Variants in CEACAM19 observed in about 807,000 individuals in gnomAD.
The protein encoded by CEACAM19 is cell adhesion molecule CEACAM19.
CEACAM19 carries 37 observed loss-of-function variants against 37.6 expected under a neutral mutation model. The observed-to-expected ratio is 0.98, with a 90% CI of 0.76 to 1.29. The LOEUF is 1.29. Among genes scored for constraint, CEACAM19 ranks in the 50% most tolerant of loss-of-function variants. The pLI, the probability that CEACAM19 is intolerant of heterozygous loss-of-function variation, is 0.00. For synonymous variants in CEACAM19, 140 were observed against 149.8 expected, an observed-to-expected ratio of 0.93 and a Z score of 0.48; for missense variants, 340 against 375.6, an observed-to-expected ratio of 0.91 and a Z score of 0.78.
In CEACAM19 at chr19:44,671,723, CTCTG is replaced by C. The variant is rs1303548252; in HGVS notation, c.-203_-200del. On this transcript the variant is annotated 5_prime_UTR_variant, in exon 1 of 8. The change creates a premature stop within an existing upstream ORF in the 5' untranslated region. Transcript: ENST00000358777. ...AGTCACCCTGAAAAACTGGTTCAAC[CTCTG>C]TCTGTGCTCCCATCCCAGGGAGTAT... The C allele has an allele frequency of 1.9e-6, 1 of 520,746 alleles. No homozygotes were observed. The highest frequency in any genetic ancestry group is 3.4e-6 in the Non-Finnish European group (1 of 290,602). 32.3% of individuals were successfully genotyped at this position (520,746 alleles called of 1,614,324 possible). A position where few individuals can be genotyped will look rare whatever the true frequency, so the allele number is the denominator to read the frequency against.
Position 44,684,223 on chromosome 19 carries a change from A to G in CEACAM19, c.*733A>G, listed in dbSNP as rs1412737729. On this transcript the variant is annotated 3_prime_UTR_variant, in exon 8 of 8. Coordinates refer to ENST00000358777, the MANE Select transcript of CEACAM19 (RefSeq NM_001127893.3). The stretch of plus-strand genomic sequence containing the variant: ...CCAAACTATGCATTCATTCAGCAAT[A>G]AATGAGCCTTTGCTGTATGCCAGAC... The G allele has an allele frequency of 6.6e-6, 1 of 152,302 alleles. No homozygotes were observed. Among genetic ancestry groups the G allele is most frequent in the East Asian group, 1.9e-4 (1 of 5,196 alleles). The allele number at this position is 152,302 out of a possible 1,614,324, so 9.4% of individuals were successfully genotyped here. A position where few individuals can be genotyped will look rare whatever the true frequency, so the allele number is the denominator to read the frequency against.
intron 6 of CEACAM19, among the ~76,000 whole-genome samples, 176 bp downstream of exon 6, chr19:44,681,488 C>T (rs1974058921): frequency 6.6e-6 from 1 of 152,182 alleles, no homozygotes; most frequent in African/African-American, 2.4e-5. Flanking sequence ...AACAGCACAA[C>T]AGAAGCAGCA....
In CEACAM19 at chr19:44,678,935, T is replaced by C. The variant is rs903734764; in HGVS notation, c.658T>C (p.Trp220Arg). 2 of 1,613,818 alleles carry C rather than the reference T, an allele frequency of 1.2e-6. No individual in the cohort carries two copies. Among genetic ancestry groups the C allele is most frequent in the African/African-American group, 2.7e-5 (2 of 74,928 alleles). ...SPVPSVTPST[W>R]MATTEKPELG... ...AGTGCCTTCAGTGACGCCCAGCACA[T>C]GGTTGGTGCTTGTAAATACTTATTT... The change falls in exon 4 of 8, where the codon TGG (tryptophan) becomes CGG (arginine). Residue 220 changes from tryptophan to arginine, a missense_variant and splice_region_variant. Physicochemically the swap from Trp to Arg is moderately radical, Grantham distance 101. Coordinates refer to ENST00000358777, the MANE Select transcript of CEACAM19 (RefSeq NM_001127893.3).
intron 3 of CEACAM19, among the ~76,000 whole-genome samples, chr19:44,676,874 C>A (rs1403607356): frequency 6.6e-6 from 1 of 152,162 alleles, no homozygotes; most frequent in Non-Finnish European, 1.5e-5. Context: ...CTTTGGCCTC[C>A]CAAAGTGCTG....
chr19:44,676,503 TC>T, intron 3 of CEACAM19, 82 bp downstream of exon 3: 2 of 1,378,950 alleles, frequency 1.5e-6, no homozygotes, highest in Non-Finnish European at 1.0e-6. Context: ...AGTCACATCA[TC>T]CGGCTCATAC....
intron 2 of CEACAM19, among the ~76,000 whole-genome samples, chr19:44,674,567 A>AT (rs777312584): frequency 6.6e-6 from 1 of 151,552 alleles, no homozygotes; most frequent in Non-Finnish European, 1.5e-5. Context: ...CACCCAGCTA[A>AT]TTTTTTTTAT....
At chr19:44,667,677 TTATA>T (rs959685185), upstream of CEACAM19, among the ~76,000 whole-genome samples, 1 of 86,072 alleles carries the variant, frequency 1.2e-5, no homozygotes, top group Non-Finnish European at 2.0e-5. Context: ...TAAATATATA[TTATA>T]TATATAAATA....
Position 44,682,555 on chromosome 19 carries a change from C to T in CEACAM19, c.793-12C>T. On this transcript the variant is annotated splice_polypyrimidine_tract_variant and intron_variant, in intron 6 of 7. Coordinates refer to ENST00000358777, the MANE Select transcript of CEACAM19 (RefSeq NM_001127893.3). Reference sequence around the variant, plus strand: ...TGCCGAGCGCCCACTCACCCGTGTCCTTCCCTTGCAGCCCCTGCCCACACC... The same window carrying T: ...TGCCGAGCGCCCACTCACCCGTGTCTTTCCCTTGCAGCCCCTGCCCACACC... The T allele has an allele frequency of 1.3e-6, 2 of 1,595,436 alleles. No homozygotes were observed. The highest frequency in any genetic ancestry group is 1.1e-5 in the South Asian group (1 of 87,918).
At chr19:44,667,870 AAT>A (rs1273266612), upstream of CEACAM19, among the ~76,000 whole-genome samples, 1 of 71,386 alleles carries the variant, frequency 1.4e-5, no homozygotes, top group African/African-American at 6.8e-5. Flanking sequence ...AATTATATAT[AAT>A]ATATAAATAT....
upstream of CEACAM19, among the ~76,000 whole-genome samples, chr19:44,667,625 A>T (rs1278694185): frequency 1.2e-5 from 1 of 82,494 alleles, no homozygotes; most frequent in African/African-American, 4.6e-5. Context: ...TATATTTATA[A>T]ATATATAAAT....
At chr19:44,672,372 A>G (rs979345876) in intron 1 of CEACAM19, 3 of 474,588 alleles carry the variant, frequency 6.3e-6, no homozygotes, top group Non-Finnish European at 1.1e-5. Context: ...CAGCATCTCA[A>G]GGTAGAAAAA....
At chr19:44,672,064 T>A in intron 1 of CEACAM19, 78 bp downstream of exon 1, 1 of 1,178,518 alleles carries the variant, frequency 8.5e-7, no homozygotes, top group South Asian at 1.3e-5. Flanking sequence ...CTCTTAGAAG[T>A]AGGGAAAGAT....
chr19:44,683,224 G>A (rs1012325479), intron 7 of CEACAM19: 12 of 451,456 alleles, frequency 2.7e-5, no homozygotes, highest in Middle Eastern at 4.1e-4. Context: ...TGTCTCTCCT[G>A]CCTCTTTGTC....
Position 44,681,275 on chromosome 19 carries a change from C to A in CEACAM19, c.755C>A (p.Ser252Tyr). Residue 252 changes from serine to tyrosine, a missense_variant, in exon 6 of 8, where the codon TCC (serine) becomes TAC (tyrosine). Physicochemically the swap from Ser to Tyr is moderately radical, Grantham distance 144. Transcript: ENST00000358777. ...ATGCCCTCTCCAGTCCTCCTGGTGT[C>A]CCCCATCAGTGACACAAGGTCCATA... ...EVMPSPVLLV[S>Y]PISDTRSINP... 4 of 1,613,978 alleles carry A rather than the reference C, an allele frequency of 2.5e-6. No homozygotes were observed. The highest frequency in any genetic ancestry group is 3.4e-6 in the Non-Finnish European group (4 of 1,179,928).
intron 7 of CEACAM19, 122 bp downstream of exon 7, chr19:44,682,742 C>A: frequency 2.2e-6 from 2 of 889,394 alleles, no homozygotes; most frequent in South Asian, 1.8e-5. Flanking sequence ...TCCCCCCAAG[C>A]CTCACGGTCT....
rs187363146 is a variant in CEACAM19, at chr19:44,682,307, C to T, written c.793-260C>T. ...AAACACTAAGGCTAAGAGCTTAGAACCAGAGGTGTTGACAGGGGTAGACTG... is the reference window on the plus strand; with the variant it reads ...AAACACTAAGGCTAAGAGCTTAGAATCAGAGGTGTTGACAGGGGTAGACTG... On this transcript the variant is annotated intron_variant, in intron 6 of 7. Coordinates refer to ENST00000358777, the MANE Select transcript of CEACAM19 (RefSeq NM_001127893.3). Among the ~76,000 whole-genome samples, 151 of 152,238 alleles carry T rather than the reference C, an allele frequency of 9.9e-4. 1 individual carries two copies. Among genetic ancestry groups the T allele is most frequent in the Middle Eastern group, 3.4e-3 (1 of 294 alleles).
chr19:44,673,036 G>A (rs1225560291), intron 2 of CEACAM19, 72 bp downstream of exon 2: 1 of 1,256,836 alleles, frequency 8.0e-7, no homozygotes, highest in Admixed American at 3.0e-5. Context: ...ACCAGGTGCT[G>A]TGCAAACACC....
At position 44,671,954 on chromosome 19, in the gene CEACAM19, A is replaced by C; in HGVS notation, c.23A>C (p.Gln8Pro). MEIPMGT[Q>P]GCFSKSLLLS... ...AAGATGGAGATTCCCATGGGGACCCAGGGCTGCTTCTCAAAGAGCCTCCTG... is the reference window on the plus strand; with the variant it reads ...AAGATGGAGATTCCCATGGGGACCCCGGGCTGCTTCTCAAAGAGCCTCCTG... The change falls in exon 1 of 8, where the codon CAG becomes CCG. Residue 8 changes from glutamine (Q) to proline (P), a missense_variant. Gln to Pro is a moderately conservative substitution (Grantham distance 76). Transcript: ENST00000358777. 1 of 1,606,948 alleles carries C rather than the reference A, an allele frequency of 6.2e-7. No homozygotes were observed. The highest frequency in any genetic ancestry group is 8.5e-7 in the Non-Finnish European group (1 of 1,176,982).
At position 44,671,922 on chromosome 19, in the gene CEACAM19, A is replaced by G; in HGVS notation, c.-10A>G. The G allele has an allele frequency of 1.9e-6, 3 of 1,603,106 alleles. No homozygotes were observed. The highest frequency in any genetic ancestry group is 2.6e-6 in the Non-Finnish European group (3 of 1,174,942). ...CTCGTGGCCCCTTGGCATTTCCACA[A>G]GACGCCAAGATGGAGATTCCCATGG... On this transcript the variant is annotated 5_prime_UTR_variant, in exon 1 of 8. Coordinates refer to ENST00000358777, the MANE Select transcript of CEACAM19 (RefSeq NM_001127893.3).
Sources: gnomAD v4.1 joint callset for allele counts (sites outside exome capture counted in the v4.1 genomes callset) on GRCh38, gnomAD v4.1.1 for gene constraint, MANE v1.5 for transcripts, NCBI Gene and HGNC (gene_info 2026-07-23, HGNC 2026-07-21) for gene names.